Variants in CADM1 observed in about 807,000 individuals in gnomAD.
CADM1 encodes the protein TSLC-1.
In CADM1, 15 loss-of-function variants were observed where a neutral mutation model predicts 53.1. That is an observed-to-expected ratio of 0.28 (90% CI 0.19 to 0.44). The LOEUF is 0.44. Ranked by LOEUF, CADM1 falls within the 20% of genes least tolerant of loss-of-function variation. CADM1 has a pLI of 1.00. For missense variants in CADM1, 434 were observed against 611.3 expected, an observed-to-expected ratio of 0.71 and a Z score of 3.06; for synonymous variants, 281 against 243.0, an observed-to-expected ratio of 1.16 and a Z score of -1.45.
intron 10 of CADM1, among the ~76,000 whole-genome samples, chr11:115,187,487 G>A (rs985318596): frequency 3.3e-5 from 5 of 152,058 alleles, no homozygotes; most frequent in African/African-American, 4.8e-5. Context: ...GGAGTACAGC[G>A]GCGTCATCTC....
At chr11:115,180,446 C>T (rs888352016) in intron 10 of CADM1, among the ~76,000 whole-genome samples, 1 of 152,104 alleles carries the variant, frequency 6.6e-6, no homozygotes, top group African/African-American at 2.4e-5. Flanking sequence ...AGGCAGAGTG[C>T]ACTGCAGCCA....
chr11:115,233,121 T>C (rs1249298502), intron 3 of CADM1, among the ~76,000 whole-genome samples: 1 of 152,168 alleles, frequency 6.6e-6, no homozygotes, highest in East Asian at 1.9e-4. Flanking sequence ...CATACTTCCT[T>C]AGCAAGATAG....
intron 1 of CADM1, among the ~76,000 whole-genome samples, chr11:115,313,252 G>T (rs1944577717): frequency 1.3e-5 from 2 of 152,066 alleles, no homozygotes; most frequent in African/African-American, 2.4e-5. Flanking sequence ...AAATGAAGAA[G>T]AAATCACAAA....
Position 115,176,582 on chromosome 11 carries a change from G to T in CADM1, c.1308C>A (p.Phe436Leu). The part of the protein sequence containing the change: ...RYFARHKGTY[F>L]THEAKGADDA... ...CATCGGCTCCTTTGGCTTCATGAGTGAAGTATGTACCTGAAAGATGAAGGG... is the reference window on the plus strand; with the variant it reads ...CATCGGCTCCTTTGGCTTCATGAGTTAAGTATGTACCTGAAAGATGAAGGG... The change falls in exon 12 of 12, where the codon TTC becomes TTA. Residue 436 changes from phenylalanine (F) to leucine (L), a missense_variant. Transcript: ENST00000331581. 6.2e-7 allele frequency: 1 copy of T among 1,613,888 alleles called. No individual in the cohort carries two copies. The highest frequency in any genetic ancestry group is 1.1e-5 in the South Asian group (1 of 91,072).
At chr11:115,391,573 G>A (rs1354329682) in intron 1 of CADM1, among the ~76,000 whole-genome samples, 1 of 152,124 alleles carries the variant, frequency 6.6e-6, no homozygotes, top group Non-Finnish European at 1.5e-5. Context: ...GGATGCGGGA[G>A]GGAGAGAGGA....
At chr11:115,277,446 A>C (rs1943475291) in intron 1 of CADM1, among the ~76,000 whole-genome samples, 1 of 152,226 alleles carries the variant, frequency 6.6e-6, no homozygotes, top group Non-Finnish European at 1.5e-5. Flanking sequence ...TATTCCACTA[A>C]ATGTCAAAAT....
intron 1 of CADM1, among the ~76,000 whole-genome samples, chr11:115,463,789 A>T (rs142125909): frequency 4.9e-4 from 74 of 150,268 alleles, no homozygotes; most frequent in African/African-American, 1.7e-3. Flanking sequence ...AGATAAGACC[A>T]GTAAAATGTC....
At chr11:115,439,289 C>T (rs540179556) in intron 1 of CADM1, among the ~76,000 whole-genome samples, 2 of 152,264 alleles carry the variant, frequency 1.3e-5, no homozygotes, top group African/African-American at 4.8e-5. Context: ...TGTTCCTAAA[C>T]GTTTCATGTC....
intron 1 of CADM1, among the ~76,000 whole-genome samples, chr11:115,275,779 G>C (rs114956586): frequency 6.6e-6 from 1 of 152,146 alleles, no homozygotes; most frequent in Non-Finnish European, 1.5e-5. Context: ...ATAAGAATGC[G>C]TTAGAGGATA....
intron 1 of CADM1, among the ~76,000 whole-genome samples, chr11:115,442,538 C>A (rs1948341476): frequency 6.6e-6 from 1 of 152,104 alleles, no homozygotes; most frequent in Admixed American, 6.5e-5. Context: ...CCTAATGTAG[C>A]CTTAAAAGTA....
intron 1 of CADM1, among the ~76,000 whole-genome samples, chr11:115,446,103 C>A (rs1363346304): frequency 1.3e-5 from 2 of 152,178 alleles, no homozygotes; most frequent in East Asian, 1.9e-4. Flanking sequence ...CTTCAAGGAG[C>A]TTACAATTTC....
intron 1 of CADM1, among the ~76,000 whole-genome samples, chr11:115,492,078 T>C (rs1359549071): frequency 1.3e-5 from 2 of 152,092 alleles, no homozygotes; most frequent in African/African-American, 2.4e-5. Context: ...ACATGTACCC[T>C]AGAACTTAAA....
chr11:115,374,000 T>C (rs914816731), intron 1 of CADM1, among the ~76,000 whole-genome samples: 4 of 152,290 alleles, frequency 2.6e-5, no homozygotes, highest in Non-Finnish European at 5.9e-5. Context: ...ATTGCCTAGT[T>C]CTGTACACTA....
chr11:115,320,588 T>C (rs1944797667), intron 1 of CADM1, among the ~76,000 whole-genome samples: 1 of 152,138 alleles, frequency 6.6e-6, no homozygotes, highest in Non-Finnish European at 1.5e-5. Context: ...ACTAAAAGGT[T>C]AATAATGTTT....
At chr11:115,211,518 C>T (rs866465687) in intron 7 of CADM1, among the ~76,000 whole-genome samples, 5 of 106,000 alleles carry the variant, frequency 4.7e-5, no homozygotes, top group Non-Finnish European at 7.0e-5. Flanking sequence ...CTTGCTTTGT[C>T]GCCCAGGCTG....
chr11:115,422,858 T>C (rs1181339097), intron 1 of CADM1, among the ~76,000 whole-genome samples: 57 of 152,180 alleles, frequency 3.7e-4, no homozygotes, highest in Admixed American at 3.7e-3. Flanking sequence ...TACATTTTTC[T>C]GACACTCAGA....
chr11:115,430,370 GA>G (rs1161318988), intron 1 of CADM1, among the ~76,000 whole-genome samples: 4 of 152,250 alleles, frequency 2.6e-5, no homozygotes, highest in African/African-American at 9.6e-5. Context: ...TTGTTACTTT[GA>G]AAGGTTTTCT....
intron 1 of CADM1, among the ~76,000 whole-genome samples, chr11:115,416,876 C>T (rs185933163): frequency 2.6e-5 from 4 of 152,186 alleles, no homozygotes; most frequent in Non-Finnish European, 4.4e-5. Context: ...TAGACTGAAT[C>T]GAATCAGCCA....
rs1044044342 is a variant in CADM1, at chr11:115,174,813, G to T, written c.*1661C>A. The T allele has an allele frequency of 9.2e-6, 9 of 977,196 alleles. No homozygotes were observed. The highest frequency in any genetic ancestry group is 1.1e-5 in the Non-Finnish European group (9 of 822,592). The allele number at this position is 977,196 out of a possible 1,614,324, so 60.5% of individuals were successfully genotyped here. ...CCATAGGGACTGTTAGCTGGAGTCT[G>T]GAGTCTTACCAAACATATGGTAAGA... On this transcript the variant is annotated 3_prime_UTR_variant, in exon 12 of 12. Transcript: ENST00000331581.
Sources: allele counts gnomAD v4.1 joint callset (sites outside exome capture counted in the v4.1 genomes callset), GRCh38; gene constraint gnomAD v4.1.1; transcripts MANE v1.5; gene names NCBI Gene and HGNC (gene_info 2026-07-23, HGNC 2026-07-21).